The following NAALADL2 variants were observed in gnomAD, a reference collection of about 807,000 sequenced individuals.
The protein encoded by NAALADL2 is inactive N-acetylated-alpha-linked acidic dipeptidase-like protein 2.
NAALADL2 carries 76 observed loss-of-function variants against 87.2 expected under a neutral mutation model. The ratio of observed to expected loss-of-function variants is 0.87; its 90% CI spans 0.72 to 1.05. The LOEUF (loss-of-function observed/expected upper bound fraction) is 1.05, where lower values mean the gene tolerates loss of function less well. Among genes scored for constraint, NAALADL2 ranks in the 50% least tolerant of loss-of-function variants. NAALADL2 has a pLI of 0.00. For synonymous variants in NAALADL2, 354 were observed against 331.0 expected (o/e 1.07, Z -0.75); for missense variants, 1,089 against 945.8 (o/e 1.15, Z -1.99).
intron 2 of NAALADL2, among the ~76,000 whole-genome samples, chr3:174,623,349 T>C (rs774607330): frequency 2.0e-5 from 3 of 152,168 alleles, no homozygotes; most frequent in Non-Finnish European, 4.4e-5. Flanking sequence ...CCTTTACATT[T>C]GTTTACATTT....
chr3:175,588,331 G>C (rs34247757), intron 10 of NAALADL2, among the ~76,000 whole-genome samples: 38,200 of 151,820 alleles, frequency 0.25, 5,886 homozygotes, highest in East Asian at 0.57. Flanking sequence ...CAGTGGTTGT[G>C]ACCAGAACCT....
In NAALADL2 at chr3:175,780,296, AAG is replaced by A. The variant is rs571249332; in HGVS notation, c.2190-22707_2190-22706del. On this transcript the variant is annotated intron_variant, in intron 13 of 13. Transcript: ENST00000454872. ...GTCTCAAAAAAAAAAAACCAATAAA[AAG>A]AATTTTTCCTCATAGTCTAGTATGG... Among the ~76,000 whole-genome samples the A allele has an allele frequency of 4.2e-3, 632 of 151,988 alleles. 7 individuals carry two copies. Among genetic ancestry groups the A allele is most frequent in the African/African-American group, 0.014 (592 of 41,456 alleles).
chr3:175,487,671 C>G lies in NAALADL2; in HGVS notation c.1653+15913C>G, dbSNP rs562941995. 437 of 348,762 alleles carry G rather than the reference C, an allele frequency of 1.3e-3. 5 individuals are homozygous for G. The highest frequency in any genetic ancestry group is 9.1e-3 in the South Asian group (412 of 45,256). The allele number at this position is 348,762 out of a possible 1,614,324, so 21.6% of individuals were successfully genotyped here. A position where few individuals can be genotyped will look rare whatever the true frequency, so the allele number is the denominator to read the frequency against. ...CCTTTCTGGAGTCCAATCCACATATCATTATAAGTTTTCAGAATTATTAGT... is the reference window on the plus strand; with the variant it reads ...CCTTTCTGGAGTCCAATCCACATATGATTATAAGTTTTCAGAATTATTAGT... On this transcript the variant is annotated intron_variant, in intron 9 of 13. Coordinates refer to ENST00000454872, the MANE Select transcript of NAALADL2 (RefSeq NM_207015.3).
At position 174,819,058 on chromosome 3, in the gene NAALADL2, C is replaced by CTTTTTTTTTTTTTTTTTT. The variant is rs3040106; in HGVS notation, c.-9+81323_-9+81340dup. 8.2e-4 allele frequency among the ~76,000 whole-genome samples: 39 copies of CTTTTTTTTTTTTTTTTTT among 47,544 alleles called. 5 individuals carry two copies. Among genetic ancestry groups the CTTTTTTTTTTTTTTTTTT allele is most frequent in the East Asian group, 3.6e-3 (5 of 1,378 alleles). The allele number at this position is 47,544 out of a possible 152,430, so 31.2% of individuals were successfully genotyped here. On this transcript the variant is annotated intron_variant, in intron 3 of 3. Transcript: ENST00000434257. ...GAATTTCTTTATTATACCATTTATT[C>CTTTTTTTTTTTTTTTTTT]TTTTTTTTTTTTTTTTTTTTTTTTT...
rs768848774 is a variant in NAALADL2 at position 174,555,589 on chromosome 3, C to T, written c.-115+4952C>T. On this transcript the variant is annotated intron_variant, in intron 2 of 3. Transcript: ENST00000434257. The stretch of plus-strand genomic sequence containing the variant: ...TGCTGGGATTACAGGCATGAGCCTC[C>T]GCGCCTGGCCAAAAATTCAGTTTTT... Among the ~76,000 whole-genome samples the T allele has an allele frequency of 7.2e-5, 11 of 152,276 alleles. No homozygotes were observed. In the South Asian group the frequency reaches 1.9e-3, roughly 26 times the overall value.
At chr3:175,316,438 C>A (rs1030661914) in intron 4 of NAALADL2, among the ~76,000 whole-genome samples, 1 of 152,106 alleles carries the variant, frequency 6.6e-6, no homozygotes, top group Non-Finnish European at 1.5e-5. Context: ...GGCAAAGGAC[C>A]TCCCAGCCTA....
chr3:174,798,127 T>C lies in NAALADL2; in HGVS notation c.-9+60381T>C, dbSNP rs563536422. Among the ~76,000 whole-genome samples the C allele has an allele frequency of 3.9e-5, 6 of 152,326 alleles. No individual in the cohort carries two copies. In the South Asian group the frequency reaches 1.2e-3, roughly 32 times the overall value. On this transcript the variant is annotated intron_variant, in intron 3 of 3. Transcript: ENST00000434257. ...AAGATTATTTTCCCTCATTTAATTA[T>C]CTTGACTCTGTCATCAAAATTAATT...
intron 2 of NAALADL2, among the ~76,000 whole-genome samples, chr3:175,150,871 C>T (rs1731442771): frequency 6.6e-6 from 1 of 152,144 alleles, no homozygotes; most frequent in Admixed American, 6.6e-5. Context: ...AATGCCTGCC[C>T]TCCTGTAGTT....
At chr3:175,464,503 C>T (rs748393349) in intron 7 of NAALADL2, among the ~76,000 whole-genome samples, 1 of 152,022 alleles carries the variant, frequency 6.6e-6, no homozygotes, top group Non-Finnish European at 1.5e-5. Flanking sequence ...CCAAACACAT[C>T]GTAAGGCTGA....
chr3:175,029,563 T>C (rs1291821542), intron 1 of NAALADL2, among the ~76,000 whole-genome samples: 1 of 152,000 alleles, frequency 6.6e-6, no homozygotes, highest in Non-Finnish European at 1.5e-5. Flanking sequence ...AGATGGAAAA[T>C]GGCATCCCAG....
intron 2 of NAALADL2, among the ~76,000 whole-genome samples, chr3:175,142,255 C>T (rs1265025809): frequency 6.6e-6 from 1 of 152,018 alleles, no homozygotes. Context: ...ACAAGATTAA[C>T]AAATGCCATT....
chr3:174,679,416 ATCTCTT>A (rs1239697183), intron 2 of NAALADL2, among the ~76,000 whole-genome samples: 5 of 151,964 alleles, frequency 3.3e-5, no homozygotes, highest in African/African-American at 1.2e-4. Flanking sequence ...ATAGATTTTA[ATCTCTT>A]TTTATGTACA....
At chr3:175,161,533 C>T (rs545377584) in intron 2 of NAALADL2, among the ~76,000 whole-genome samples, 1 of 152,060 alleles carries the variant, frequency 6.6e-6, no homozygotes, top group African/African-American at 2.4e-5. Context: ...GGGTAGGAGT[C>T]AGGGCAGAGG....
At chr3:174,798,703 C>T (rs1186288643) in intron 3 of NAALADL2, among the ~76,000 whole-genome samples, 2 of 151,308 alleles carry the variant, frequency 1.3e-5, no homozygotes, top group Non-Finnish European at 2.9e-5. Context: ...TTTTAAATTT[C>T]ATTTTAAGAA....
intron 1 of NAALADL2, among the ~76,000 whole-genome samples, chr3:175,094,602 A>C (rs1270703396): frequency 6.6e-6 from 1 of 151,888 alleles, no homozygotes; most frequent in East Asian, 1.9e-4. Context: ...TCCTTGAATC[A>C]TTTGGGAAAC....
chr3:175,793,765 C>T (rs1235083337), intron 13 of NAALADL2, among the ~76,000 whole-genome samples: 1 of 152,216 alleles, frequency 6.6e-6, no homozygotes, highest in South Asian at 2.1e-4. Flanking sequence ...TTATTCATCA[C>T]GTTTGGCTTC....
chr3:175,128,633 T>A (rs1436698553), intron 2 of NAALADL2, among the ~76,000 whole-genome samples: 2 of 152,258 alleles, frequency 1.3e-5, no homozygotes, highest in East Asian at 3.9e-4. Context: ...AGGAGAAATG[T>A]ATTTTCAATA....
intron 1 of NAALADL2, among the ~76,000 whole-genome samples, chr3:175,062,552 G>A (rs1713736006): frequency 6.7e-6 from 1 of 149,832 alleles, no homozygotes; most frequent in Non-Finnish European, 1.5e-5. Flanking sequence ...CATTTGAAAT[G>A]CCCAGCTATT....
intron 11 of NAALADL2, among the ~76,000 whole-genome samples, chr3:175,727,209 A>C (rs2150051214): frequency 6.6e-6 from 1 of 152,254 alleles, no homozygotes; most frequent in South Asian, 2.1e-4. Flanking sequence ...GTGTCTCAGT[A>C]ACCTCATTCA....
Sources: gnomAD v4.1 joint callset for allele counts (sites outside exome capture counted in the v4.1 genomes callset) on GRCh38, gnomAD v4.1.1 for gene constraint, MANE v1.5 for transcripts, NCBI Gene and HGNC (gene_info 2026-07-23, HGNC 2026-07-21) for gene names.